Variants in DLG2 observed in about 807,000 individuals in gnomAD.
The protein encoded by DLG2 is discs large MAGUK scaffold protein 2.
Under a neutral mutation model 132.5 loss-of-function variants are expected in DLG2, and 45 were observed. The ratio of observed to expected loss-of-function variants is 0.34; its 90% confidence interval spans 0.27 to 0.44. The LOEUF (loss-of-function observed/expected upper bound fraction) is 0.44, where lower values mean the gene tolerates loss of function less well. Among genes scored for constraint, DLG2 ranks in the 20% least tolerant of loss-of-function variants. The pLI, the probability that DLG2 is intolerant of heterozygous loss-of-function variation, is 1.00. For synonymous variants in DLG2, 424 were observed against 419.6 expected (o/e 1.01, Z -0.13); for missense variants, 1,045 against 1,196.9 (o/e 0.87, Z 1.87).
chr11:84,553,064 T>C (rs2099405064), intron 6 of DLG2, among the ~76,000 whole-genome samples: 1 of 152,180 alleles, frequency 6.6e-6, no homozygotes, highest in Admixed American at 6.5e-5. Flanking sequence ...GTCTCATGCT[T>C]TTCCTTCTGT....
intron 9 of DLG2, among the ~76,000 whole-genome samples, chr11:84,125,009 C>A (rs924188875): frequency 6.6e-6 from 1 of 151,898 alleles, no homozygotes; most frequent in African/African-American, 2.4e-5. Context: ...TGCCACCATG[C>A]CCGGCTAATT....
chr11:83,746,753 C>A (rs1365086567), intron 18 of DLG2, among the ~76,000 whole-genome samples: 1 of 152,088 alleles, frequency 6.6e-6, no homozygotes, highest in African/African-American at 2.4e-5. Flanking sequence ...ATACTACACT[C>A]CCTTCAGTTT....
chr11:85,081,382 G>A (rs532790749), intron 6 of DLG2, among the ~76,000 whole-genome samples: 31 of 152,208 alleles, frequency 2.0e-4, no homozygotes, highest in South Asian at 8.3e-4. Flanking sequence ...AAACAATACC[G>A]CAAAGTGAAA....
At chr11:85,364,859 C>T (rs2084417785) in intron 3 of DLG2, among the ~76,000 whole-genome samples, 1 of 151,794 alleles carries the variant, frequency 6.6e-6, no homozygotes, top group African/African-American at 2.4e-5. Flanking sequence ...TTTTGTTTTT[C>T]CCTATCCTTC....
At chr11:84,583,927 ATTC>A (rs1238518660) in intron 6 of DLG2, among the ~76,000 whole-genome samples, 1 of 152,132 alleles carries the variant, frequency 6.6e-6, no homozygotes, top group African/African-American at 2.4e-5. Flanking sequence ...TTATGTGAAT[ATTC>A]CATAAATTAT....
intron 8 of DLG2, among the ~76,000 whole-genome samples, chr11:84,231,672 C>A (rs1406131344): frequency 1.3e-5 from 2 of 152,088 alleles, no homozygotes; most frequent in Admixed American, 1.3e-4. Flanking sequence ...TCTGAAATAT[C>A]ATACTAGTGA....
intron 4 of DLG2, among the ~76,000 whole-genome samples, chr11:85,267,097 C>A (rs2077260143): frequency 6.6e-6 from 1 of 152,130 alleles, no homozygotes. Flanking sequence ...TTCCAATTCC[C>A]AATGTGATGT....
chr11:84,139,164 C>G (rs906550340), intron 9 of DLG2, among the ~76,000 whole-genome samples: 6 of 152,142 alleles, frequency 3.9e-5, no homozygotes, highest in Non-Finnish European at 8.8e-5. Flanking sequence ...GTCTCCCCTT[C>G]TACCTTTAAT....
chr11:84,148,216 A>T (rs112910833), intron 9 of DLG2, among the ~76,000 whole-genome samples: 1,872 of 152,164 alleles, frequency 0.012, 35 homozygotes, highest in African/African-American at 0.043. Flanking sequence ...ACAAATTATA[A>T]TTTTTTCCAG....
At chr11:84,464,827 T>C (rs1283245000) in intron 7 of DLG2, among the ~76,000 whole-genome samples, 1 of 151,072 alleles carries the variant, frequency 6.6e-6, no homozygotes, top group Non-Finnish European at 1.5e-5. Context: ...CATACAAATA[T>C]GTAGTAATTA....
rs187931046 is a variant in DLG2, at chr11:84,344,618, C to G, written c.520-93327G>C. On this transcript the variant is annotated intron_variant, in intron 7 of 27. Transcript: ENST00000376104. ...GCAACAGATTTGTCAATTTCAAACTCTCTTCTATCTGAAAACAAAAGACTT... is the reference window on the plus strand; with the variant it reads ...GCAACAGATTTGTCAATTTCAAACTGTCTTCTATCTGAAAACAAAAGACTT... 7.9e-5 allele frequency among the ~76,000 whole-genome samples: 12 copies of G among 152,314 alleles called. No homozygotes were observed. The East Asian group carries it at 2.3e-3, about 29-fold the overall frequency.
intron 11 of DLG2, among the ~76,000 whole-genome samples, chr11:84,029,847 C>A (rs1334422103): frequency 6.6e-6 from 1 of 152,106 alleles, no homozygotes; most frequent in African/African-American, 2.4e-5. Context: ...AAGGAAACAA[C>A]ATACTTAAGG....
intron 4 of DLG2, among the ~76,000 whole-genome samples, chr11:85,237,802 A>AC (rs2075666551): frequency 6.6e-6 from 1 of 152,074 alleles, no homozygotes; most frequent in Non-Finnish European, 1.5e-5. Flanking sequence ...GAGACATAGC[A>AC]CCAGAGGAAC....
intron 18 of DLG2, among the ~76,000 whole-genome samples, chr11:83,785,413 G>A (rs1382363612): frequency 6.6e-6 from 1 of 152,228 alleles, no homozygotes; most frequent in East Asian, 1.9e-4. Context: ...CTAATATTTA[G>A]CAAATAGAAA....
intron 2 of DLG2, among the ~76,000 whole-genome samples, chr11:85,611,810 AG>A (rs1289995684): frequency 1.3e-5 from 2 of 152,258 alleles, no homozygotes; most frequent in African/African-American, 4.8e-5. Flanking sequence ...TATTGCACTC[AG>A]TGCAAAAACC....
intron 19 of DLG2, among the ~76,000 whole-genome samples, chr11:83,599,568 T>C (rs2058183840): frequency 6.6e-6 from 1 of 152,224 alleles, no homozygotes; most frequent in African/African-American, 2.4e-5. Flanking sequence ...GAGTGACCAC[T>C]TACCCCTTTC....
chr11:84,059,390 C>T lies in DLG2; in HGVS notation c.844G>A (p.Val282Ile), dbSNP rs749744948. Residue 282 changes from valine (V) to isoleucine (I), a missense_variant, in exon 11 of 28, where the codon GTT becomes ATT. Transcript: ENST00000376104. The part of the protein sequence containing the change: ...VEALKEAGSI[V>I]RLYVRRRRPI... Reference sequence around the variant, plus strand: ...CGTCTTCTACGCACATACAGCCGAACGATAGACCCTGCTTCCTTCAGGGCT... The same window carrying T: ...CGTCTTCTACGCACATACAGCCGAATGATAGACCCTGCTTCCTTCAGGGCT... The T allele has an allele frequency of 1.9e-6, 3 of 1,613,506 alleles. No homozygotes were observed. The highest frequency in any genetic ancestry group is 1.7e-5 in the Admixed American group (1 of 59,936).
intron 18 of DLG2, among the ~76,000 whole-genome samples, chr11:83,700,076 A>T (rs2082658555): frequency 6.6e-6 from 1 of 151,862 alleles, no homozygotes; most frequent in Non-Finnish European, 1.5e-5. Context: ...AAAAGTTTTC[A>T]ATAAATACCT....
At chr11:83,656,860 G>A (rs1189736752) in intron 18 of DLG2, among the ~76,000 whole-genome samples, 1 of 152,102 alleles carries the variant, frequency 6.6e-6, no homozygotes, top group Non-Finnish European at 1.5e-5. Context: ...TGATGCAGAG[G>A]CCAACATCTC....
Sources: gnomAD v4.1 joint callset for allele counts (sites outside exome capture counted in the v4.1 genomes callset) on GRCh38, gnomAD v4.1.1 for gene constraint, MANE v1.5 for transcripts, NCBI Gene and HGNC (gene_info 2026-07-23, HGNC 2026-07-21) for gene names.